The following ADAM23 variants were observed in gnomAD, a reference collection of about 807,000 sequenced individuals.
ADAM23 encodes the protein disintegrin and metalloproteinase domain-containing protein 23.
ADAM23 carries 33 observed loss-of-function variants against 120.1 expected under a neutral mutation model. The observed-to-expected ratio is 0.27, with a 90% CI of 0.21 to 0.37. The LOEUF (loss-of-function observed/expected upper bound fraction) is 0.37, where lower values mean the gene tolerates loss of function less well. ADAM23 is among the 10% of genes least tolerant of loss of function. ADAM23 has a pLI of 1.00. For missense variants in ADAM23, 862 were observed against 1,058.2 expected (o/e 0.81, Z 2.57); for synonymous variants, 367 against 375.2 (o/e 0.98, Z 0.25).
At chr2:206,548,851 A>AT (rs1210448399) in intron 8 of ADAM23, among the ~76,000 whole-genome samples, 1 of 152,222 alleles carries the variant, frequency 6.6e-6, no homozygotes, top group East Asian at 1.9e-4. Flanking sequence ...TCAGAACACA[A>AT]TGAATTTATT....
rs1210492719 is a variant in ADAM23, at chr2:206,462,890, C to T, written c.432+17366C>T. 2.0e-5 allele frequency among the ~76,000 whole-genome samples: 3 copies of T among 152,174 alleles called. No individual in the cohort carries two copies. The East Asian group carries it at 5.8e-4, about 29-fold the overall frequency. On this transcript the variant is annotated intron_variant, in intron 2 of 25. Coordinates refer to ENST00000264377, the MANE Select transcript of ADAM23 (RefSeq NM_003812.4). ...GTTTTAAACAAGGAAATAACATTAC[C>T]TGATTTATATTTTAATAAGATCATT...
At chr2:206,508,277 T>C (rs772421955) in intron 3 of ADAM23, among the ~76,000 whole-genome samples, 20 of 152,302 alleles carry the variant, frequency 1.3e-4, no homozygotes, top group Non-Finnish European at 2.2e-4. Flanking sequence ...CCGCCCACCT[T>C]GGCCTCCTGA....
intron 25 of ADAM23, among the ~76,000 whole-genome samples, chr2:206,614,054 G>A (rs575265327): frequency 3.9e-5 from 6 of 152,302 alleles, no homozygotes; most frequent in African/African-American, 4.8e-5. Context: ...TCATCACCAC[G>A]TCTTACTCTC....
At chr2:206,504,454 T>G (rs1696454409) in intron 3 of ADAM23, among the ~76,000 whole-genome samples, 1 of 152,150 alleles carries the variant, frequency 6.6e-6, no homozygotes, top group South Asian at 2.1e-4. Context: ...TTAGTAACCT[T>G]GAATAAAGAC....
chr2:206,573,126 A>G lies in ADAM23; in HGVS notation c.1668A>G (p.Arg556=). ...CNNTSCLFQP[R]GYECRDAVNE... ...ATTTTGATTTGCAGTTTCAGCCACG[A>G]GGGTATGAATGCCGGGATGCTGTGA... The change falls in exon 18 of 26, where the codon CGA becomes CGG. Residue 556 remains arginine, a synonymous_variant. Transcript: ENST00000264377. 1 of 1,613,984 alleles carries G rather than the reference A, an allele frequency of 6.2e-7. No homozygotes were observed. The highest frequency in any genetic ancestry group is 2.2e-5 in the East Asian group (1 of 44,870).
intron 4 of ADAM23, among the ~76,000 whole-genome samples, chr2:206,535,088 G>T (rs1473725791): frequency 6.6e-6 from 1 of 151,856 alleles, no homozygotes; most frequent in Non-Finnish European, 1.5e-5. Context: ...GTCCCACATT[G>T]TCTCTGCCTG....
intron 2 of ADAM23, among the ~76,000 whole-genome samples, chr2:206,459,957 C>G (rs1695380966): frequency 6.6e-6 from 1 of 152,218 alleles, no homozygotes; most frequent in South Asian, 2.1e-4. Flanking sequence ...AGAGTATCTT[C>G]TTCTCTTCTC....
In ADAM23 at chr2:206,509,379, ATTAAAT is replaced by A. The variant is rs995855299; in HGVS notation, c.510-21501_510-21496del. Among the ~76,000 whole-genome samples the A allele has an allele frequency of 5.8e-4, 89 of 152,326 alleles. 1 individual carries two copies. Among genetic ancestry groups the A allele is most frequent in the African/African-American group, 2.1e-3 (88 of 41,576 alleles). On this transcript the variant is annotated intron_variant, in intron 3 of 25. Coordinates refer to ENST00000264377, the MANE Select transcript of ADAM23 (RefSeq NM_003812.4). Reference sequence around the variant, plus strand: ...TATAATGATATTTTAAATATAAATGATTAAATTTAACAAAATTTGAATACAATATTA... The same window carrying A: ...TATAATGATATTTTAAATATAAATGATTAACAAAATTTGAATACAATATTA...
intron 24 of ADAM23, among the ~76,000 whole-genome samples, chr2:206,599,204 C>CA (rs199786169): frequency 0.1 from 7,088 of 69,954 alleles, 201 homozygotes; most frequent in Middle Eastern, 0.18. Flanking sequence ...GATTCCATCT[C>CA]AAAAAAAAAA....
At chr2:206,617,437 G>T in intron 25 of ADAM23, 142 bp from the exon 26 acceptor site, 1 of 819,680 alleles carries the variant, frequency 1.2e-6, no homozygotes, top group Non-Finnish European at 1.8e-6. Context: ...AAGTTATTTT[G>T]GAGACTGCCT....
chr2:206,488,614 G>A (rs1696064065), intron 3 of ADAM23, among the ~76,000 whole-genome samples: 1 of 152,120 alleles, frequency 6.6e-6, no homozygotes, highest in Admixed American at 6.5e-5. Context: ...TCCACTAACT[G>A]CCAGGCTGTT....
At chr2:206,509,840 A>C (rs1696585605) in intron 3 of ADAM23, among the ~76,000 whole-genome samples, 1 of 152,248 alleles carries the variant, frequency 6.6e-6, no homozygotes, top group African/African-American at 2.4e-5. Context: ...AACTATGGTA[A>C]TAAGTTTTAT....
intron 24 of ADAM23, chr2:206,605,754 C>T (rs1425469253): frequency 4.3e-6 from 3 of 701,914 alleles, no homozygotes; most frequent in Non-Finnish European, 7.8e-6. Context: ...TATGTAATTT[C>T]CTTTGTTAAA....
intron 3 of ADAM23, among the ~76,000 whole-genome samples, chr2:206,498,937 C>T (rs146628460): frequency 0.035 from 5,254 of 152,184 alleles, 304 homozygotes; most frequent in African/African-American, 0.12. Flanking sequence ...AAATCAGAAC[C>T]GCAATGAGAT....
At position 206,617,591 on chromosome 2, in the gene ADAM23, G is replaced by T; in HGVS notation, c.2463G>T (p.Lys821Asn). The T allele has an allele frequency of 6.2e-7, 1 of 1,609,194 alleles. No individual in the cohort carries two copies. The highest frequency in any genetic ancestry group is 8.5e-7 in the Non-Finnish European group (1 of 1,177,556). ...GTGWGFKNVK[K>N]RRFDPTQQGP... Reference sequence around the variant, plus strand: ...CTCACTCTGGAAGAAATGTCAAGAAGAGAAGGTTCGATCCTACTCAGCAAG... The same window carrying T: ...CTCACTCTGGAAGAAATGTCAAGAATAGAAGGTTCGATCCTACTCAGCAAG... The change falls in exon 26 of 26, where the codon AAG becomes AAT. Residue 821 changes from lysine (K) to asparagine (N), a missense_variant. Physicochemically the swap from Lys to Asn is moderately conservative, Grantham distance 94. Around this residue, in one of 4 missense-constraint regions of ADAM23, gnomAD observed 16 missense variants for 17.6 expected, o/e 0.91. Transcript: ENST00000264377.
chr2:206,444,482 C>T (rs1695035400), intron 1 of ADAM23, among the ~76,000 whole-genome samples: 1 of 152,110 alleles, frequency 6.6e-6, no homozygotes, highest in South Asian at 2.1e-4. Flanking sequence ...GGGCTGTTTC[C>T]TCAAATTTCG....
chr2:206,592,700 C>A lies in ADAM23; in HGVS notation c.2042C>A (p.Thr681Asn). ...IGQLQGEIIPTSFYHQGRVID... is the reference protein window; with the variant it reads ...IGQLQGEIIPNSFYHQGRVID... ...CAACTTCAGGGTGAGATCATTCCAA[C>A]TTCCTTCTACCATCAAGGCCGGGTG... is the stretch of plus-strand genomic sequence containing the variant. Residue 681 changes from threonine to asparagine, a missense_variant, in exon 22 of 26, where the codon ACT (threonine) becomes AAT (asparagine). Physicochemically the swap from Thr to Asn is moderately conservative, Grantham distance 65 (BLOSUM62 0). Transcript: ENST00000264377. The A allele has an allele frequency of 6.2e-7, 1 of 1,614,026 alleles. No individual in the cohort carries two copies.
At chr2:206,604,336 G>C (rs1698693412) in intron 24 of ADAM23, among the ~76,000 whole-genome samples, 1 of 152,096 alleles carries the variant, frequency 6.6e-6, no homozygotes, top group African/African-American at 2.4e-5. Context: ...TGAAAGCAAG[G>C]GTTTTCTAAG....
At chr2:206,582,025 G>T (rs983853833) in intron 18 of ADAM23, among the ~76,000 whole-genome samples, 3 of 152,022 alleles carry the variant, frequency 2.0e-5, no homozygotes, top group Admixed American at 6.6e-5. Flanking sequence ...TTACAGGCAG[G>T]TGCCACCATG....
Sources: gnomAD v4.1 joint callset for allele counts (sites outside exome capture counted in the v4.1 genomes callset) on GRCh38, gnomAD v4.1.1 for gene constraint, gnomAD v4.1.1 regional missense constraint, MANE v1.5 for transcripts, NCBI Gene and HGNC (gene_info 2026-07-23, HGNC 2026-07-21) for gene names.